POU2F1: variants seen among roughly 807,000 people sequenced by gnomAD.
POU2F1 encodes POU domain, class 2, transcription factor 1.
POU2F1 carries 16 observed loss-of-function variants against 84.9 expected under a neutral mutation model. The ratio of observed to expected loss-of-function variants is 0.19; its 90% CI spans 0.13 to 0.29. POU2F1 has a LOEUF of 0.29. Among genes scored for constraint, POU2F1 ranks in the 10% least tolerant of loss-of-function variants. The pLI is 1.00. For synonymous variants in POU2F1, 368 were observed against 368.3 expected (o/e 1.00, Z 0.01); for missense variants, 738 against 942.6 (o/e 0.78, Z 2.84).
chr1:167,286,922 C>T (rs571910314), intron 1 of POU2F1, among the ~76,000 whole-genome samples: 1 of 152,170 alleles, frequency 6.6e-6, no homozygotes, highest in African/African-American at 2.4e-5. Flanking sequence ...TTCCCCAGGG[C>T]AATCGAAGAG....
At chr1:167,361,765 C>T (rs963640897) in intron 2 of POU2F1, among the ~76,000 whole-genome samples, 32 of 152,168 alleles carry the variant, frequency 2.1e-4, no homozygotes, top group African/African-American at 6.3e-4. Context: ...CTTCCTTGTA[C>T]GGCTGGTAAA....
At chr1:167,295,397 A>G (rs113746538) in intron 1 of POU2F1, among the ~76,000 whole-genome samples, 4,448 of 152,330 alleles carry the variant, frequency 0.029, 226 homozygotes, top group African/African-American at 0.1. Flanking sequence ...TTGGAGCTGC[A>G]GGCCATTATT....
chr1:167,290,110 G>C (rs1009726740), intron 1 of POU2F1, among the ~76,000 whole-genome samples: 2 of 152,116 alleles, frequency 1.3e-5, no homozygotes, highest in African/African-American at 2.4e-5. Context: ...TTGCATGAAG[G>C]CTGGGTGCGG....
At chr1:167,270,231 A>G (rs1215336022) in intron 1 of POU2F1, among the ~76,000 whole-genome samples, 1 of 152,132 alleles carries the variant, frequency 6.6e-6, no homozygotes, top group Non-Finnish European at 1.5e-5. Context: ...TAGCACATTC[A>G]ACATTTTTGG....
At chr1:167,403,193 T>A (rs1490257552) in intron 13 of POU2F1, among the ~76,000 whole-genome samples, 1 of 152,224 alleles carries the variant, frequency 6.6e-6, no homozygotes, top group Non-Finnish European at 1.5e-5. Flanking sequence ...AAAAACATTA[T>A]TAGGAAATTC....
chr1:167,265,441 C>T (rs562507172), intron 1 of POU2F1, among the ~76,000 whole-genome samples: 6 of 152,294 alleles, frequency 3.9e-5, no homozygotes, highest in African/African-American at 1.4e-4. Context: ...TTAGGTTATT[C>T]AGAGTCATTG....
At chr1:167,230,668 T>G (rs1649003332) in intron 1 of POU2F1, among the ~76,000 whole-genome samples, 1 of 152,222 alleles carries the variant, frequency 6.6e-6, no homozygotes, top group Non-Finnish European at 1.5e-5. Flanking sequence ...ATACTTTCTC[T>G]GAAATTAGCA....
intron 1 of POU2F1, among the ~76,000 whole-genome samples, chr1:167,307,546 A>G (rs1655160939): frequency 1.3e-5 from 2 of 152,048 alleles, no homozygotes; most frequent in South Asian, 2.1e-4. Context: ...TTAAATTTCA[A>G]AATAATTTGA....
chr1:167,226,490 T>C (rs1423779248), intron 1 of POU2F1, among the ~76,000 whole-genome samples: 1 of 152,234 alleles, frequency 6.6e-6, no homozygotes, highest in Non-Finnish European at 1.5e-5. Flanking sequence ...AATAAATTGG[T>C]TTGTTTTGTA....
chr1:167,372,776 C>A (rs1236969778), intron 5 of POU2F1, among the ~76,000 whole-genome samples: 4 of 152,218 alleles, frequency 2.6e-5, no homozygotes, highest in African/African-American at 9.6e-5. Context: ...TTTCAGCTGT[C>A]TTTTCTCTAA....
intron 11 of POU2F1, among the ~76,000 whole-genome samples, chr1:167,398,382 A>G (rs1648959945): frequency 6.6e-6 from 1 of 152,182 alleles, no homozygotes. Context: ...ACCATAGGAT[A>G]CATAGGAATT....
chr1:167,222,738 T>C, intron 1 of POU2F1, among the ~76,000 whole-genome samples: 1 of 152,180 alleles, frequency 6.6e-6, no homozygotes, highest in East Asian at 1.9e-4. Context: ...ATCAACTCTG[T>C]GATGGTTTGT....
intron 2 of POU2F1, among the ~76,000 whole-genome samples, chr1:167,361,789 T>G (rs1320519636): frequency 6.6e-6 from 1 of 152,132 alleles, no homozygotes; most frequent in Non-Finnish European, 1.5e-5. Context: ...TGGCTGTGAA[T>G]CTATCTGGTC....
chr1:167,384,092 C>G (rs1471220943), intron 8 of POU2F1, 141 bp downstream of exon 8: 2 of 629,602 alleles, frequency 3.2e-6, no homozygotes, highest in African/African-American at 3.7e-5. Flanking sequence ...CTAGGCTTAT[C>G]AGCTCAATGC....
intron 9 of POU2F1, among the ~76,000 whole-genome samples, chr1:167,395,649 G>C (rs1161293797): frequency 6.6e-6 from 1 of 151,960 alleles, no homozygotes; most frequent in East Asian, 1.9e-4. Flanking sequence ...CTGTCACCCA[G>C]ACTGGAGTGC....
intron 1 of POU2F1, among the ~76,000 whole-genome samples, chr1:167,228,167 A>G (rs924951183): frequency 6.6e-6 from 1 of 152,220 alleles, no homozygotes; most frequent in Admixed American, 6.5e-5. Context: ...GATTGTGTTC[A>G]ACATTGTGAT....
Position 167,413,106 on chromosome 1 carries a change from C to T in POU2F1, c.1982C>T (p.Thr661Ile). Reference sequence around the variant, plus strand: ...CTAATGAGCAACAGTACACTGGCAACTATTCAAGGTCAGTAGAAGCCTTTT... The same window carrying T: ...CTAATGAGCAACAGTACACTGGCAATTATTCAAGGTCAGTAGAAGCCTTTT... ...PALMSNSTLA[T>I]IQALASGGSL... The change falls in exon 15 of 16, where the codon ACT becomes ATT. Residue 661 changes from threonine (T) to isoleucine (I), a missense_variant. Physicochemically the swap from Thr to Ile is moderately conservative, Grantham distance 89 (BLOSUM62 -1). This residue lies in a region of POU2F1 where 319 missense variants were observed against 386.0 expected (regional missense o/e 0.83). Coordinates refer to ENST00000367866, the MANE Select transcript of POU2F1 (RefSeq NM_002697.4). The T allele has an allele frequency of 1.9e-6, 3 of 1,612,564 alleles. No individual in the cohort carries two copies. Among genetic ancestry groups the T allele is most frequent in the Non-Finnish European group, 2.5e-6 (3 of 1,178,688 alleles).
At chr1:167,334,071 A>T (rs939249050) in intron 2 of POU2F1, among the ~76,000 whole-genome samples, 4 of 151,808 alleles carry the variant, frequency 2.6e-5, no homozygotes, top group African/African-American at 9.7e-5. Flanking sequence ...ATCAGACTAC[A>T]TGGAAATCCC....
chr1:167,377,657 A>G (rs926092909), intron 7 of POU2F1, among the ~76,000 whole-genome samples: 2 of 152,112 alleles, frequency 1.3e-5, no homozygotes, highest in African/African-American at 2.4e-5. Flanking sequence ...CAACCTCCCA[A>G]TTACTTTTTT....
Sources: allele counts gnomAD v4.1 joint callset (sites outside exome capture counted in the v4.1 genomes callset), GRCh38; gene constraint gnomAD v4.1.1; regional missense constraint gnomAD v4.1.1; transcripts MANE v1.5; gene names NCBI Gene and HGNC (gene_info 2026-07-23, HGNC 2026-07-21).